PIGM: variants seen among roughly 807,000 people sequenced by gnomAD.
PIGM encodes the protein phosphatidylinositol glycan anchor biosynthesis class M, also known as GPI alpha-1,4-mannosyltransferase I, catalytic subunit.
In PIGM, 7 loss-of-function variants were observed where a neutral mutation model predicts 14.6. The observed-to-expected ratio is 0.48, with a 90% confidence interval of 0.27 to 0.90. The LOEUF (loss-of-function observed/expected upper bound fraction) is 0.90, where lower values mean the gene tolerates loss of function less well. Among genes scored for constraint, PIGM ranks in the 40% least tolerant of loss-of-function variants. The pLI, the probability that PIGM is intolerant of heterozygous loss-of-function variation, is 0.12. For synonymous variants in PIGM, 216 were observed against 215.9 expected (o/e 1.00, Z 0.00); for missense variants, 506 against 516.2 (o/e 0.98, Z 0.19).
At position 160,031,656 on chromosome 1, in the gene PIGM, G is replaced by A. The variant is rs1648341652; in HGVS notation, c.84C>T (p.Ala28=). 3 of 1,614,200 alleles carry A rather than the reference G, an allele frequency of 1.9e-6. No homozygotes were observed. The highest frequency in any genetic ancestry group is 2.5e-6 in the Non-Finnish European group (3 of 1,180,044). Residue 28 remains alanine, a synonymous_variant, in exon 1 of 1, where the codon GCC becomes GCT. Transcript: ENST00000368090. ...PAGVFGVAFL[A]RVALVFYGVF... ...CGCCATAGAAAACCAGGGCGACTCT[G>A]GCTAGAAAGGCCACACCAAAGACGC...
chr1:160,031,040 C>G lies in PIGM; in HGVS notation c.700G>C (p.Ala234Pro). Reference sequence around the variant, plus strand: ...CTCAGGGCAAAAAACGTGAGTCCAGCAACTGCTACAAACAGCAGCACAGCC... The same window carrying G: ...CTCAGGGCAAAAAACGTGAGTCCAGGAACTGCTACAAACAGCAGCACAGCC... ...NRAVLLFVAV[A>P]GLTFFALSFG... Residue 234 changes from alanine to proline, a missense_variant, in exon 1 of 1, where the codon GCT (alanine) becomes CCT (proline). By Grantham distance (27) the Ala-to-Pro change is conservative. Coordinates refer to ENST00000368090, the MANE Select transcript of PIGM (RefSeq NM_145167.3). 6.2e-7 allele frequency: 1 copy of G among 1,614,164 alleles called. No homozygotes were observed. Among genetic ancestry groups the G allele is most frequent in the Non-Finnish European group, 8.5e-7 (1 of 1,180,038 alleles).
At position 160,031,947 on chromosome 1, in the gene PIGM, C is replaced by G. The variant is rs1284920920; in HGVS notation, c.-208G>C. On this transcript the variant is annotated 5_prime_UTR_variant, in exon 1 of 1. Coordinates refer to ENST00000368090, the MANE Select transcript of PIGM (RefSeq NM_145167.3). ...GCCCCGCGCGGTCTTCTCAGCCGCC[C>G]GAGCCAAAAACTTGCCTTCCTCTGG... 11 of 688,380 alleles carry G rather than the reference C, an allele frequency of 1.6e-5. No individual in the cohort carries two copies. Among genetic ancestry groups the G allele is most frequent in the South Asian group, 6.7e-5 (4 of 59,408 alleles). 42.6% of individuals were successfully genotyped at this position (688,380 alleles called of 1,614,324 possible). A position where few individuals can be genotyped will look rare whatever the true frequency, so the allele number is the denominator to read the frequency against.
rs1387063121 is a variant in PIGM, at chr1:160,029,783, T to TTTC, written c.*684_*685insGAA. ...TCTAAAAAGTTGTCCTTTCCTTTTT[T>TTTC]TTTTTTTTTTTTTTTTTGAGACAGG... On this transcript the variant is annotated 3_prime_UTR_variant, in exon 1 of 1. Transcript: ENST00000368090. 1.4e-5 allele frequency: 2 copies of TTTC among 141,374 alleles called. No homozygotes were observed. The highest frequency in any genetic ancestry group is 3.1e-5 in the Non-Finnish European group (2 of 64,950). The allele number at this position is 141,374 out of a possible 1,614,324, so 8.8% of individuals were successfully genotyped here.
In PIGM at chr1:160,031,632, G is replaced by A. The variant is rs1648340631; in HGVS notation, c.108C>T (p.Gly36=). 3 of 1,614,036 alleles carry A rather than the reference G, an allele frequency of 1.9e-6. No individual in the cohort carries two copies. The highest frequency in any genetic ancestry group is 2.5e-6 in the Non-Finnish European group (3 of 1,180,048). Residue 36 remains glycine, a synonymous_variant, in exon 1 of 1, where the codon GGC becomes GGT. Coordinates refer to ENST00000368090, the MANE Select transcript of PIGM (RefSeq NM_145167.3). ...CGTGCAGGGTCCGGTCCTGGAAGAC[G>A]CCATAGAAAACCAGGGCGACTCTGG... ...FLARVALVFY[G]VFQDRTLHVR... is the part of the protein sequence containing the mutation.
Position 160,030,319 on chromosome 1 carries a change from T to C in PIGM, c.*149A>G. On this transcript the variant is annotated 3_prime_UTR_variant, in exon 1 of 1. Transcript: ENST00000368090. Reference sequence around the variant, plus strand: ...TCAATTATTGTGTCCCTTTTATATATAAGGCAAACATTGCTTTTAAGTTCT... The same window carrying C: ...TCAATTATTGTGTCCCTTTTATATACAAGGCAAACATTGCTTTTAAGTTCT... 2 of 829,330 alleles carry C rather than the reference T, an allele frequency of 2.4e-6. No individual in the cohort carries two copies. The highest frequency in any genetic ancestry group is 2.0e-5 in the Admixed American group (1 of 50,084). The allele number at this position is 829,330 out of a possible 1,614,324, so 51.4% of individuals were successfully genotyped here.
In PIGM at chr1:160,031,742, T is replaced by C; in HGVS notation, c.-3A>G. ...CCCCAGTGCTTGGTGGAGCCCATGA[T>C]CTGACCGTGCGACAGCTGCTTAGCC... On this transcript the variant is annotated 5_prime_UTR_variant, in exon 1 of 1. Transcript: ENST00000368090. 1 of 1,614,090 alleles carries C rather than the reference T, an allele frequency of 6.2e-7. No individual in the cohort carries two copies. The highest frequency in any genetic ancestry group is 8.5e-7 in the Non-Finnish European group (1 of 1,180,032).
Position 160,031,928 on chromosome 1 carries a change from C to T in PIGM, c.-189G>A. 1.3e-6 allele frequency: 1 copy of T among 789,412 alleles called. No homozygotes were observed. 48.9% of individuals were successfully genotyped at this position (789,412 alleles called of 1,614,324 possible). A position where few individuals can be genotyped will look rare whatever the true frequency, so the allele number is the denominator to read the frequency against. On this transcript the variant is annotated 5_prime_UTR_variant, in exon 1 of 1. Transcript: ENST00000368090. ...GTACTGCTACCTGTCTCCAGCCCCG[C>T]GCGGTCTTCTCAGCCGCCCGAGCCA...
At position 160,031,879 on chromosome 1, in the gene PIGM, C is replaced by T. The variant is rs1648351395; in HGVS notation, c.-140G>A. The T allele has an allele frequency of 9.6e-7, 1 of 1,036,462 alleles. No individual in the cohort carries two copies. The highest frequency in any genetic ancestry group is 1.4e-5 in the South Asian group (1 of 73,948). The allele number at this position is 1,036,462 out of a possible 1,614,324, so 64.2% of individuals were successfully genotyped here. On this transcript the variant is annotated 5_prime_UTR_variant, in exon 1 of 1. The change creates a new upstream start codon in the 5' untranslated region. Coordinates refer to ENST00000368090, the MANE Select transcript of PIGM (RefSeq NM_145167.3). ...CAACCGAAACGACTGCAGACTATCA[C>T]ATCCGGCATGAAGCCCCGCCCCCGT...
chr1:160,031,596 C>G lies in PIGM; in HGVS notation c.144G>C (p.Thr48=). The change falls in exon 1 of 1, where the codon ACG becomes ACC. Residue 48 remains threonine, a synonymous_variant. Coordinates refer to ENST00000368090, the MANE Select transcript of PIGM (RefSeq NM_145167.3). ...FQDRTLHVRY[T]DIDYQVFTDA... is the part of the protein sequence containing the mutation. ...CGGTGAAGACCTGGTAGTCGATGTC[C>G]GTATACCTCACGTGCAGGGTCCGGT... 1 of 1,614,124 alleles carries G rather than the reference C, an allele frequency of 6.2e-7. No individual in the cohort carries two copies. Among genetic ancestry groups the G allele is most frequent in the Non-Finnish European group, 8.5e-7 (1 of 1,180,016 alleles).
rs949351779 is a variant in PIGM at position 160,027,676 on chromosome 1, T to C, written c.*2792A>G. On this transcript the variant is annotated 3_prime_UTR_variant, in exon 1 of 1. Coordinates refer to ENST00000368090, the MANE Select transcript of PIGM (RefSeq NM_145167.3). ...ATATAGGAAATAAGCCAAAGTCTTA[T>C]AAAATTTGAAGGTGTTATTAAAGGA... 2.0e-5 allele frequency: 3 copies of C among 151,356 alleles called. No individual in the cohort carries two copies. Among genetic ancestry groups the C allele is most frequent in the Non-Finnish European group, 4.4e-5 (3 of 67,876 alleles). The allele number at this position is 151,356 out of a possible 1,614,324, so 9.4% of individuals were successfully genotyped here.
rs750695305 is a variant in PIGM at position 160,031,446 on chromosome 1, G to A, written c.294C>T (p.Leu98=). 6 of 1,612,098 alleles carry A rather than the reference G, an allele frequency of 3.7e-6. No individual in the cohort carries two copies. In the Admixed American group the frequency reaches 1.0e-4, roughly 27 times the overall value. Residue 98 remains leucine, a synonymous_variant, in exon 1 of 1, where the codon CTC becomes CTT. Transcript: ENST00000368090. The part of the protein sequence containing the change: ...IYLSELFGKF[L]FISCDLLTAF... ...CGGTGAGGAGGTCGCAGCTGATGAA[G>A]AGAAACTTTCCAAAGAGCTCGCTGA...
Position 160,031,805 on chromosome 1 carries a change from T to C in PIGM, c.-66A>G, listed in dbSNP as rs1648347543. ...TGCCTTCGTACTTCTAACCTTCCCT[T>C]CGGTTCTTTGCAGCAGGTGGCCGCC... is the stretch of plus-strand genomic sequence containing the variant. On this transcript the variant is annotated 5_prime_UTR_variant, in exon 1 of 1. Coordinates refer to ENST00000368090, the MANE Select transcript of PIGM (RefSeq NM_145167.3). 5 of 1,598,590 alleles carry C rather than the reference T, an allele frequency of 3.1e-6. No individual in the cohort carries two copies. Among genetic ancestry groups the C allele is most frequent in the Non-Finnish European group, 4.3e-6 (5 of 1,168,368 alleles).
rs57645641 is a variant in PIGM at position 160,029,777 on chromosome 1, C to CTT, written c.*689_*690dup. ...TTTCTATCTAAAAAGTTGTCCTTTC[C>CTT]TTTTTTTTTTTTTTTTTTTTTTTGA... On this transcript the variant is annotated 3_prime_UTR_variant, in exon 1 of 1. Coordinates refer to ENST00000368090, the MANE Select transcript of PIGM (RefSeq NM_145167.3). 3,973 of 83,398 alleles carry CTT rather than the reference C, an allele frequency of 0.048. 93 individuals are homozygous for CTT. Among genetic ancestry groups the CTT allele is most frequent in the East Asian group, 0.069 (190 of 2,752 alleles). 5.2% of individuals were successfully genotyped at this position (83,398 alleles called of 1,614,324 possible).
In PIGM at chr1:160,026,490, G is replaced by A. The variant is rs1648188023; in HGVS notation, c.*3978C>T. On this transcript the variant is annotated 3_prime_UTR_variant, in exon 1 of 1. Coordinates refer to ENST00000368090, the MANE Select transcript of PIGM (RefSeq NM_145167.3). ...ATATATAATTATACATATACATAAA[G>A]CAAATATGGCAAATTGTTGTTGAAT... The A allele has an allele frequency of 6.6e-6, 1 of 152,120 alleles. No homozygotes were observed. Among genetic ancestry groups the A allele is most frequent in the African/African-American group, 2.4e-5 (1 of 41,432 alleles). 9.4% of individuals were successfully genotyped at this position (152,120 alleles called of 1,614,324 possible).
rs1465097239 is a variant in PIGM at position 160,030,087 on chromosome 1, T to G, written c.*381A>C. ...AAGCTTTAGAAAGAAAAGATGGGTG[T>G]TAAAAGTTAAGACACAGCTTAAGAC... is the stretch of plus-strand genomic sequence containing the variant. On this transcript the variant is annotated 3_prime_UTR_variant, in exon 1 of 1. Transcript: ENST00000368090. 4.7e-6 allele frequency: 1 copy of G among 214,360 alleles called. No homozygotes were observed. Among genetic ancestry groups the G allele is most frequent in the African/African-American group, 2.3e-5 (1 of 43,192 alleles). 13.3% of individuals were successfully genotyped at this position (214,360 alleles called of 1,614,324 possible). A position where few individuals can be genotyped will look rare whatever the true frequency, so the allele number is the denominator to read the frequency against.
chr1:160,031,819 C>G lies in PIGM; in HGVS notation c.-80G>C, dbSNP rs112324082. ...TAACCTTCCCTTCGGTTCTTTGCAG[C>G]AGGTGGCCGCCGCATCTCCCACCCG... On this transcript the variant is annotated 5_prime_UTR_variant, in exon 1 of 1. Coordinates refer to ENST00000368090, the MANE Select transcript of PIGM (RefSeq NM_145167.3). 5.1e-6 allele frequency: 8 copies of G among 1,554,358 alleles called. No homozygotes were observed. Among genetic ancestry groups the G allele is most frequent in the East Asian group, 2.3e-5 (1 of 43,772 alleles).
At position 160,031,982 on chromosome 1, in the gene PIGM, C is replaced by T; in HGVS notation, c.-243G>A. ...ACTTGCCTTCCTCTGGATGGACGGT[C>T]TCGCTTCCGCTTCTTCTTCCAGCGG... On this transcript the variant is annotated 5_prime_UTR_variant, in exon 1 of 1. Transcript: ENST00000368090. 1 of 596,968 alleles carries T rather than the reference C, an allele frequency of 1.7e-6. No homozygotes were observed. Among genetic ancestry groups the T allele is most frequent in the South Asian group, 1.9e-5 (1 of 51,834 alleles). 37.0% of individuals were successfully genotyped at this position (596,968 alleles called of 1,614,324 possible).
Position 160,031,080 on chromosome 1 carries a change from T to G in PIGM, c.660A>C (p.Lys220Asn). ...TFQACLYELL[K>N]RLCNRAVLLF... Reference sequence around the variant, plus strand: ...GCAGCACAGCCCGATTACACAGCCTTTTCAGGAGCTCGTACAAACAAGCCT... The same window carrying G: ...GCAGCACAGCCCGATTACACAGCCTGTTCAGGAGCTCGTACAAACAAGCCT... The change falls in exon 1 of 1, where the codon AAA becomes AAC. Residue 220 changes from lysine (K) to asparagine (N), a missense_variant. By Grantham distance (94) the Lys-to-Asn change is moderately conservative (BLOSUM62 0). Coordinates refer to ENST00000368090, the MANE Select transcript of PIGM (RefSeq NM_145167.3). The G allele has an allele frequency of 6.2e-7, 1 of 1,614,136 alleles. No individual in the cohort carries two copies. The highest frequency in any genetic ancestry group is 8.5e-7 in the Non-Finnish European group (1 of 1,180,004).
In PIGM at chr1:160,031,295, T is replaced by A; in HGVS notation, c.445A>T (p.Ile149Phe). The change falls in exon 1 of 1, where the codon ATT becomes TTT. Residue 149 changes from isoleucine (I) to phenylalanine (F), a missense_variant. Physicochemically the swap from Ile to Phe is conservative, Grantham distance 21. Coordinates refer to ENST00000368090, the MANE Select transcript of PIGM (RefSeq NM_145167.3). Reference protein sequence around the residue: ...AVSSRGNADSIVASLVLMVLY... With the variant: ...AVSSRGNADSFVASLVLMVLY... Reference sequence around the variant, plus strand: ...ACCATCAGGACCAGGGAGGCGACAATAGAGTCCGCATTACCGCGGCTGGAT... The same window carrying A: ...ACCATCAGGACCAGGGAGGCGACAAAAGAGTCCGCATTACCGCGGCTGGAT... 6.2e-7 allele frequency: 1 copy of A among 1,613,944 alleles called. No homozygotes were observed. Among genetic ancestry groups the A allele is most frequent in the Non-Finnish European group, 8.5e-7 (1 of 1,179,978 alleles).
Sources: gnomAD v4.1 joint callset for allele counts on GRCh38, gnomAD v4.1.1 for gene constraint, MANE v1.5 for transcripts, NCBI Gene and HGNC (gene_info 2026-07-23, HGNC 2026-07-21) for gene names.